The following MRPL48 variants were observed in gnomAD, a reference collection of about 807,000 sequenced individuals.
The protein encoded by MRPL48 is mitochondrial ribosomal protein L48, also known as large ribosomal subunit protein mL48.
A neutral mutation model predicts 32.9 loss-of-function variants in MRPL48; 16 were observed. The ratio of observed to expected loss-of-function variants is 0.49; its 90% CI spans 0.33 to 0.74. The LOEUF is 0.74. Ranked by LOEUF, MRPL48 falls within the 30% of genes least tolerant of loss-of-function variation. The pLI is 0.02. For missense variants in MRPL48, 206 were observed against 245.3 expected, an observed-to-expected ratio of 0.84 and a Z score of 1.07; for synonymous variants, 94 against 89.2, an observed-to-expected ratio of 1.05 and a Z score of -0.31.
chr11:73,789,782 A>G (rs936784644), intron 1 of MRPL48, among the ~76,000 whole-genome samples: 1 of 152,244 alleles, frequency 6.6e-6, no homozygotes, highest in Non-Finnish European at 1.5e-5. Context: ...GATCTTCACA[A>G]TATCACGAGA....
intron 3 of MRPL48, among the ~76,000 whole-genome samples, chr11:73,820,773 G>A (rs1430729608): frequency 1.3e-5 from 2 of 151,672 alleles, no homozygotes; most frequent in Non-Finnish European, 2.9e-5. Flanking sequence ...ATTTTAAAAG[G>A]TGCAAAGGAA....
At position 73,863,268 on chromosome 11, in the gene MRPL48, G is replaced by A; in HGVS notation, c.564+7G>A. The A allele has an allele frequency of 6.4e-7, 1 of 1,557,374 alleles. No homozygotes were observed. Reference sequence around the variant, plus strand: ...CAGACTGTCAGTGAAGGAGGTAGGTGCTGGTTTGAGAAGAGGCCCCTGCTG... The same window carrying A: ...CAGACTGTCAGTGAAGGAGGTAGGTACTGGTTTGAGAAGAGGCCCCTGCTG... On this transcript the variant is annotated splice_region_variant and intron_variant, in intron 7 of 7. Transcript: ENST00000310614.
At chr11:73,798,103 A>G (rs772207433) in intron 1 of MRPL48, among the ~76,000 whole-genome samples, 3 of 151,792 alleles carry the variant, frequency 2.0e-5, no homozygotes, top group African/African-American at 7.3e-5. Flanking sequence ...CTTTTTTGAG[A>G]CAGAGTCTCG....
chr11:73,829,852 C>T (rs895832273), intron 4 of MRPL48, among the ~76,000 whole-genome samples: 3 of 152,188 alleles, frequency 2.0e-5, no homozygotes, highest in Admixed American at 1.3e-4. Flanking sequence ...GCAACCTCTG[C>T]CTCTCAGGCT....
intron 4 of MRPL48, among the ~76,000 whole-genome samples, chr11:73,837,844 GATTT>G (rs573941864): frequency 1.3e-5 from 2 of 152,016 alleles, no homozygotes; most frequent in African/African-American, 4.8e-5. Flanking sequence ...CCTTTGCACA[GATTT>G]ATTTATTTAT....
chr11:73,804,518 C>T (rs2444598), intron 1 of MRPL48, among the ~76,000 whole-genome samples: 4,765 of 152,110 alleles, frequency 0.031, 227 homozygotes, highest in African/African-American at 0.11. Flanking sequence ...GATCTGCCCG[C>T]CTCAGCCTCC....
chr11:73,805,214 T>G (rs1947427221), intron 2 of MRPL48, 135 bp downstream of exon 2: 4 of 665,574 alleles, frequency 6.0e-6, no homozygotes, highest in Non-Finnish European at 7.4e-6. Flanking sequence ...CCTTGCTCCT[T>G]CCCCATTCTC....
At chr11:73,818,860 A>G (rs917628244) in intron 3 of MRPL48, among the ~76,000 whole-genome samples, 1 of 152,244 alleles carries the variant, frequency 6.6e-6, no homozygotes, top group Admixed American at 6.5e-5. Context: ...TATGTAAAGG[A>G]AAGGGGAATG....
chr11:73,841,192 T>TG (rs981035062), intron 4 of MRPL48, among the ~76,000 whole-genome samples: 9 of 152,260 alleles, frequency 5.9e-5, no homozygotes, highest in African/African-American at 2.2e-4. Flanking sequence ...ACACTGCTGG[T>TG]GGAAGTCTAA....
intron 1 of MRPL48, among the ~76,000 whole-genome samples, chr11:73,793,771 C>G (rs991748798): frequency 3.3e-5 from 5 of 151,422 alleles, no homozygotes; most frequent in Non-Finnish European, 7.4e-5. Flanking sequence ...CCTATAATTC[C>G]AACACTTTGA....
At chr11:73,850,773 T>C (rs1948374738) in intron 5 of MRPL48, 1 of 217,182 alleles carries the variant, frequency 4.6e-6, no homozygotes, top group Admixed American at 5.5e-5. Context: ...GCCTCCCAGG[T>C]TCACTCCATT....
intron 4 of MRPL48, among the ~76,000 whole-genome samples, chr11:73,826,774 C>CTTTTTTTT (rs71065041): frequency 3.7e-5 from 4 of 108,924 alleles, no homozygotes; most frequent in Non-Finnish European, 3.8e-5. Flanking sequence ...ACTGTATTTT[C>CTTTTTTTT]TTTTTTTTTT....
chr11:73,816,048 A>T (rs1489566868), intron 3 of MRPL48, among the ~76,000 whole-genome samples: 1 of 149,848 alleles, frequency 6.7e-6, no homozygotes, highest in African/African-American at 2.5e-5. Context: ...TTATTTTTTT[A>T]TTTTATTTTA....
intron 4 of MRPL48, among the ~76,000 whole-genome samples, chr11:73,828,456 G>A (rs545436221): frequency 6.6e-6 from 1 of 152,054 alleles, no homozygotes; most frequent in African/African-American, 2.4e-5. Context: ...AAACTCCTGA[G>A]CTCAAGTGAT....
intron 5 of MRPL48, among the ~76,000 whole-genome samples, chr11:73,846,585 C>T (rs1481570074): frequency 1.3e-5 from 2 of 152,022 alleles, no homozygotes; most frequent in Admixed American, 1.3e-4. Flanking sequence ...GTCTCGAACT[C>T]CTGACCTCAA....
At chr11:73,861,071 C>T (rs193034259) in intron 6 of MRPL48, among the ~76,000 whole-genome samples, 76 of 152,280 alleles carry the variant, frequency 5.0e-4, no homozygotes, top group Non-Finnish European at 9.6e-4. Flanking sequence ...ATGGTATAGG[C>T]ATCACCCTTT....
chr11:73,833,280 A>T (rs1394660797), intron 4 of MRPL48, among the ~76,000 whole-genome samples: 1 of 151,916 alleles, frequency 6.6e-6, no homozygotes, highest in Non-Finnish European at 1.5e-5. Context: ...GGGCTTTTCT[A>T]AGTACAGGGA....
chr11:73,799,128 A>G (rs1947311811), intron 1 of MRPL48, among the ~76,000 whole-genome samples: 1 of 152,116 alleles, frequency 6.6e-6, no homozygotes. Context: ...GCCTAAGATG[A>G]GAGTAAACTC....
At chr11:73,809,496 TCC>T (rs1947529924) in intron 3 of MRPL48, among the ~76,000 whole-genome samples, 1 of 135,482 alleles carries the variant, frequency 7.4e-6, no homozygotes, top group South Asian at 2.3e-4. Context: ...AGAGCGAGAC[TCC>T]GTCTCAAAAA....
Sources: gnomAD v4.1 joint callset for allele counts (sites outside exome capture counted in the v4.1 genomes callset) on GRCh38, gnomAD v4.1.1 for gene constraint, MANE v1.5 for transcripts, NCBI Gene and HGNC (gene_info 2026-07-23, HGNC 2026-07-21) for gene names.